Variants in KDM4C observed in about 807,000 individuals in gnomAD.
KDM4C encodes the protein lysine demethylase 4C, also known as lysine-specific demethylase 4C.
Under a neutral mutation model 129.3 loss-of-function variants are expected in KDM4C, and 81 were observed. That is an observed-to-expected ratio of 0.63 (90% CI 0.52 to 0.75). The LOEUF is 0.75. KDM4C is among the 30% of genes least tolerant of loss of function. KDM4C has a pLI of 0.00. For missense variants in KDM4C, 1,457 were observed against 1,304.0 expected (o/e 1.12, Z -1.81); for synonymous variants, 573 against 456.1 (o/e 1.26, Z -3.26).
chr9:6,806,914 C>CTCTCCCTCTCCG lies in KDM4C; in HGVS notation c.320+1145_320+1146insCTCTCCGTCTCC, dbSNP rs1554694400. Among the ~76,000 whole-genome samples the CTCTCCCTCTCCG allele has an allele frequency of 2.7e-5, 4 of 146,772 alleles. No homozygotes were observed. The East Asian group carries it at 7.8e-4, about 28-fold the overall frequency. On this transcript the variant is annotated intron_variant, in intron 3 of 21. Transcript: ENST00000381309. ...CCTCTCCCTCTCCCTCTCCCTCTCC[C>CTCTCCCTCTCCG]TCTCCGTCTCCCCACGGTCTCCCTC...
At chr9:6,743,916 A>AT (rs35581518) in intron 1 of KDM4C, among the ~76,000 whole-genome samples, 355 of 143,200 alleles carry the variant, frequency 2.5e-3, no homozygotes, top group Admixed American at 3.8e-3. Context: ...ATCCTCTCCA[A>AT]TTTTTTTTTT....
chr9:7,031,840 A>C (rs918187497), intron 15 of KDM4C, among the ~76,000 whole-genome samples: 3 of 152,182 alleles, frequency 2.0e-5, no homozygotes, highest in African/African-American at 7.2e-5. Flanking sequence ...CATAAATCAT[A>C]GTTATAGAAT....
At chr9:6,932,672 C>A (rs1823965180) in intron 8 of KDM4C, among the ~76,000 whole-genome samples, 1 of 152,162 alleles carries the variant, frequency 6.6e-6, no homozygotes, top group Non-Finnish European at 1.5e-5. Context: ...AAACTGCAAC[C>A]CGTGTGTGGC....
At chr9:6,773,005 CTT>C (rs1308897759) in intron 1 of KDM4C, among the ~76,000 whole-genome samples, 1 of 151,026 alleles carries the variant, frequency 6.6e-6, no homozygotes, top group African/African-American at 2.4e-5. Context: ...TTTTCTTTTT[CTT>C]TTTTGTTTTT....
intron 8 of KDM4C, among the ~76,000 whole-genome samples, chr9:6,902,436 C>A (rs1817569221): frequency 6.6e-6 from 1 of 152,108 alleles, no homozygotes; most frequent in African/African-American, 2.4e-5. Context: ...AACATAATCA[C>A]CTGGGACTGT....
At chr9:6,855,458 CA>C (rs34177301) in intron 5 of KDM4C, among the ~76,000 whole-genome samples, 791 of 70,042 alleles carry the variant, frequency 0.011, 2 homozygotes, top group African/African-American at 0.026. Flanking sequence ...GACTCCGTCT[CA>C]AAAAAAAAAA....
chr9:6,934,681 C>T (rs1213855758), intron 8 of KDM4C, among the ~76,000 whole-genome samples: 1 of 151,762 alleles, frequency 6.6e-6, no homozygotes, highest in Non-Finnish European at 1.5e-5. Context: ...CCAGGATGGT[C>T]TCAATCTCTT....
intron 1 of KDM4C, among the ~76,000 whole-genome samples, chr9:6,739,195 C>T (rs1220508566): frequency 6.6e-6 from 1 of 152,060 alleles, no homozygotes; most frequent in African/African-American, 2.4e-5. Context: ...GCCTCAGCTT[C>T]CCGAGTAGCT....
chr9:7,001,321 G>T (rs1820681922), intron 12 of KDM4C, among the ~76,000 whole-genome samples: 2 of 152,204 alleles, frequency 1.3e-5, no homozygotes, highest in South Asian at 4.1e-4. Context: ...ATGTATATGT[G>T]TTTGAGTGTT....
At chr9:6,811,747 C>T (rs564029535) in intron 3 of KDM4C, among the ~76,000 whole-genome samples, 5 of 152,242 alleles carry the variant, frequency 3.3e-5, no homozygotes, top group Non-Finnish European at 7.4e-5. Context: ...AGAAATTCAG[C>T]CCCGTGTCTA....
intron 9 of KDM4C, among the ~76,000 whole-genome samples, chr9:6,983,551 T>C (rs1262480454): frequency 7.2e-6 from 1 of 138,688 alleles, no homozygotes; most frequent in Non-Finnish European, 1.6e-5. Context: ...CCCGGGACAA[T>C]ATAGTGAGAC....
At chr9:6,912,276 A>G (rs1819467214) in intron 8 of KDM4C, among the ~76,000 whole-genome samples, 1 of 152,190 alleles carries the variant, frequency 6.6e-6, no homozygotes, top group Admixed American at 6.5e-5. Flanking sequence ...ACTTGATACC[A>G]TGCAGCTCAG....
intron 15 of KDM4C, among the ~76,000 whole-genome samples, chr9:7,021,120 A>ATG (rs576805327): frequency 0.14 from 17,890 of 128,114 alleles, 1,503 homozygotes; most frequent in East Asian, 0.44. Context: ...ACATATATAT[A>ATG]TGTGTGTGTG....
At position 6,988,655 on chromosome 9, in the gene KDM4C, G is replaced by GTCATCCATCCAT. The variant is rs55955234; in HGVS notation, c.1678-1761_1678-1760insTCATCCATCCAT. On this transcript the variant is annotated intron_variant, in intron 11 of 21. Transcript: ENST00000381309. ...AATAAGTATTATGTTATTTTTTAAA[G>GTCATCCATCCAT]CCATCCATCCATCCATCCATCCATC... Among the ~76,000 whole-genome samples, 1,026 of 149,238 alleles carry GTCATCCATCCAT rather than the reference G, an allele frequency of 6.9e-3. 16 individuals are homozygous for GTCATCCATCCAT. Among genetic ancestry groups the GTCATCCATCCAT allele is most frequent in the African/African-American group, 0.022 (905 of 40,462 alleles).
intron 12 of KDM4C, among the ~76,000 whole-genome samples, chr9:7,009,159 C>G (rs1297485345): frequency 6.6e-6 from 1 of 152,150 alleles, no homozygotes; most frequent in African/African-American, 2.4e-5. Flanking sequence ...GAAGACAATG[C>G]ACAAACAAGT....
intron 18 of KDM4C, among the ~76,000 whole-genome samples, chr9:7,109,848 A>T (rs946611486): frequency 1.3e-5 from 2 of 152,104 alleles, no homozygotes; most frequent in Non-Finnish European, 2.9e-5. Context: ...TCTCATCTTG[A>T]ATTATAACCC....
At chr9:6,765,310 C>A (rs1309534772) in intron 1 of KDM4C, among the ~76,000 whole-genome samples, 2 of 151,956 alleles carry the variant, frequency 1.3e-5, no homozygotes, top group Non-Finnish European at 2.9e-5. Flanking sequence ...TGACTGATTT[C>A]TCCTCTCATT....
chr9:6,907,986 C>G (rs1589044038), intron 8 of KDM4C, among the ~76,000 whole-genome samples: 1 of 152,158 alleles, frequency 6.6e-6, no homozygotes, highest in East Asian at 1.9e-4. Context: ...AGTGTCGCTT[C>G]ATACATTTTT....
chr9:7,041,685 A>G (rs1416314840), intron 15 of KDM4C, among the ~76,000 whole-genome samples: 3 of 151,936 alleles, frequency 2.0e-5, no homozygotes, highest in Non-Finnish European at 4.4e-5. Flanking sequence ...GGTGAAGTCA[A>G]TCTGATTTAT....
Sources: gnomAD v4.1 joint callset for allele counts (sites outside exome capture counted in the v4.1 genomes callset) on GRCh38, gnomAD v4.1.1 for gene constraint, MANE v1.5 for transcripts, NCBI Gene and HGNC (gene_info 2026-07-23, HGNC 2026-07-21) for gene names.